The following CEP83 variants were observed in gnomAD, a reference collection of about 807,000 sequenced individuals.
CEP83 encodes centrosomal protein of 83 kDa.
CEP83 carries 70 observed loss-of-function variants against 101.9 expected under a neutral mutation model. That is an observed-to-expected ratio of 0.69 (90% CI 0.57 to 0.84). The LOEUF (loss-of-function observed/expected upper bound fraction) is 0.84. Among genes scored for constraint, CEP83 ranks in the 40% least tolerant of loss-of-function variants. The pLI is 0.00. For synonymous variants in CEP83, 264 were observed against 267.9 expected, an observed-to-expected ratio of 0.99 and a Z score of 0.14; for missense variants, 715 against 787.2, an observed-to-expected ratio of 0.91 and a Z score of 1.10.
downstream of CEP83, chr12:94,303,674 A>G (rs1315547744): frequency 2.4e-6 from 3 of 1,231,970 alleles, no homozygotes; most frequent in Non-Finnish European, 2.2e-6. Context: ...CTACATTGGA[A>G]TATTATAAAT....
At chr12:94,370,951 T>G (rs1377541463) in intron 8 of CEP83, among the ~76,000 whole-genome samples, 2 of 151,404 alleles carry the variant, frequency 1.3e-5, no homozygotes, top group African/African-American at 4.9e-5. Flanking sequence ...GCCAATGTAT[T>G]CCAGCCTGGG....
chr12:94,317,498 T>TC (rs1264986497), intron 14 of CEP83, among the ~76,000 whole-genome samples: 17 of 152,208 alleles, frequency 1.1e-4, no homozygotes, highest in African/African-American at 3.9e-4. Flanking sequence ...AGTTCCTATG[T>TC]CCTGAATGGT....
chr12:94,408,010 G>T (rs1209926866), intron 4 of CEP83: 1 of 152,184 alleles, frequency 6.6e-6, no homozygotes, highest in African/African-American at 2.4e-5. Context: ...TGGAGACAGG[G>T]TTTCACCATG....
chr12:94,333,045 C>CAAAAAAAAAAAAAAA (rs34900007), intron 13 of CEP83, among the ~76,000 whole-genome samples: 2 of 73,172 alleles, frequency 2.7e-5, no homozygotes, highest in African/African-American at 6.5e-5. Context: ...ATTTTAAGAC[C>CAAAAAAAAAAAAAAA]AAAAAAAAAA....
At chr12:94,314,666 C>T (rs1054185534) in intron 14 of CEP83, among the ~76,000 whole-genome samples, 11 of 152,208 alleles carry the variant, frequency 7.2e-5, no homozygotes, top group African/African-American at 2.7e-4. Flanking sequence ...AACTCTGCTA[C>T]GAGCATTCAT....
chr12:94,321,825 G>A (rs2058757032), intron 14 of CEP83, among the ~76,000 whole-genome samples: 1 of 152,118 alleles, frequency 6.6e-6, no homozygotes, highest in South Asian at 2.1e-4. Flanking sequence ...CCCTGGTGGG[G>A]ATGGCTGGAG....
intron 11 of CEP83, among the ~76,000 whole-genome samples, chr12:94,366,233 T>C (rs1159677541): frequency 1.3e-5 from 2 of 151,960 alleles, no homozygotes; most frequent in East Asian, 1.9e-4. Context: ...GGATGAGGTA[T>C]GGACTCAAAA....
rs2058727795 is a variant in CEP83 at position 94,321,134 on chromosome 12, T to C, written c.1708-8117A>G. On this transcript the variant is annotated intron_variant, in intron 14 of 16. Transcript: ENST00000397809. ...CTCCAAAGAGCCAGTATTCAAGTTCTGAAATTATTCAGCTTGGTCTCTCTC... is the reference window on the plus strand; with the variant it reads ...CTCCAAAGAGCCAGTATTCAAGTTCCGAAATTATTCAGCTTGGTCTCTCTC... 2.6e-5 allele frequency among the ~76,000 whole-genome samples: 4 copies of C among 152,346 alleles called. No individual in the cohort carries two copies. The South Asian group carries it at 6.2e-4, about 24-fold the overall frequency.
chr12:94,389,849 G>A (rs563911736), intron 6 of CEP83, among the ~76,000 whole-genome samples: 5 of 152,140 alleles, frequency 3.3e-5, no homozygotes, highest in Admixed American at 1.3e-4. Context: ...CCACGCCCAC[G>A]GAGCCTTGCT....
downstream of CEP83, among the ~76,000 whole-genome samples, chr12:94,302,217 C>T (rs906336634): frequency 2.0e-5 from 3 of 152,190 alleles, no homozygotes; most frequent in Non-Finnish European, 4.4e-5. Context: ...TTGCTGGCCT[C>T]GTTATTTTCT....
In CEP83 at chr12:94,331,570, T is replaced by C. The variant is rs983165730; in HGVS notation, c.1707+130A>G. On this transcript the variant is annotated intron_variant, in intron 14 of 16. Coordinates refer to ENST00000397809, the MANE Select transcript of CEP83 (RefSeq NM_016122.3). ...TTTTTCAGTAGAGATGGGGTTTCAC[T>C]GTGTTAGCCAGGATGGTCTCAATGA... The C allele has an allele frequency of 1.2e-5, 9 of 722,662 alleles. No individual in the cohort carries two copies. The African/African-American group carries it at 1.4e-4, about 11-fold the overall frequency. 44.8% of individuals were successfully genotyped at this position (722,662 alleles called of 1,614,324 possible). A position where few individuals can be genotyped will look rare whatever the true frequency, so the allele number is the denominator to read the frequency against.
Position 94,399,947 on chromosome 12 carries a change from G to A in CEP83, c.549+903C>T, listed in dbSNP as rs142571584. Among the ~76,000 whole-genome samples, 203 of 152,208 alleles carry A rather than the reference G, an allele frequency of 1.3e-3. 1 individual carries two copies. Among genetic ancestry groups the A allele is most frequent in the African/African-American group, 4.7e-3 (195 of 41,538 alleles). On this transcript the variant is annotated intron_variant, in intron 6 of 16. Transcript: ENST00000397809. Reference sequence around the variant, plus strand: ...GCTTCTTACAGATGAAACACTCATGGCACTTTGCTCACTAATAAGAATAAA... The same window carrying A: ...GCTTCTTACAGATGAAACACTCATGACACTTTGCTCACTAATAAGAATAAA...
intron 16 of CEP83, 46 bp downstream of exon 16, chr12:94,309,872 C>T (rs1487352642): frequency 1.6e-6 from 2 of 1,268,772 alleles, no homozygotes; most frequent in Middle Eastern, 2.0e-4. Flanking sequence ...TAAAAACCTA[C>T]AAAAATGTAC....
the CEP83 span, chr12:94,279,824 T>C: frequency 1.1e-5 from 8 of 712,290 alleles, no homozygotes; most frequent in Admixed American, 8.0e-5. Context: ...TGGTCTCTCA[T>C]GGGCATCCTG....
intron 6 of CEP83, among the ~76,000 whole-genome samples, chr12:94,396,505 G>T (rs1231769772): frequency 6.6e-6 from 1 of 151,620 alleles, no homozygotes; most frequent in Non-Finnish European, 1.5e-5. Flanking sequence ...AGCCAGGATG[G>T]TCTCGATCTC....
At chr12:94,280,056 G>A in the CEP83 span, 2 of 345,562 alleles carry the variant, frequency 5.8e-6, no homozygotes, top group Non-Finnish European at 1.1e-5. Flanking sequence ...TGTCATTACT[G>A]GGTGGCTCAG....
At chr12:94,319,577 TTC>T (rs1971295459) in intron 14 of CEP83, among the ~76,000 whole-genome samples, 1 of 152,248 alleles carries the variant, frequency 6.6e-6, no homozygotes, top group Admixed American at 6.5e-5. Flanking sequence ...TGTATCTTTT[TTC>T]TCTTAGTTTC....
the CEP83 span, among the ~76,000 whole-genome samples, chr12:94,295,153 T>C: frequency 6.6e-6 from 1 of 152,200 alleles, no homozygotes; most frequent in Non-Finnish European, 1.5e-5. Context: ...CTCTCAGCCC[T>C]TGGAAAGGTT....
intron 2 of CEP83, among the ~76,000 whole-genome samples, chr12:94,432,529 A>C (rs995758795): frequency 2.6e-5 from 4 of 152,156 alleles, no homozygotes; most frequent in African/African-American, 9.7e-5. Flanking sequence ...CTCATGTGGG[A>C]GCTTAAAAAA....
Sources: allele counts gnomAD v4.1 joint callset (sites outside exome capture counted in the v4.1 genomes callset), GRCh38; gene constraint gnomAD v4.1.1; transcripts MANE v1.5; gene names NCBI Gene and HGNC (gene_info 2026-07-23, HGNC 2026-07-21).